Variants in CEP170 observed in about 807,000 individuals in gnomAD.
CEP170 encodes centrosomal protein of 170 kDa.
CEP170 carries 21 observed loss-of-function variants against 151.9 expected under a neutral mutation model. The ratio of observed to expected loss-of-function variants is 0.14; its 90% confidence interval spans 0.10 to 0.20. CEP170 has a LOEUF of 0.20. Ranked by LOEUF, CEP170 falls within the 10% of genes least tolerant of loss-of-function variation. The pLI is 1.00. For synonymous variants in CEP170, 356 were observed against 648.8 expected (o/e 0.55, Z 6.86); for missense variants, 964 against 1,892.9 (o/e 0.51, Z 9.11).
intron 14 of CEP170, among the ~76,000 whole-genome samples, chr1:243,154,327 TAAATA>T (rs2057371384): frequency 1.3e-5 from 2 of 152,280 alleles, no homozygotes; most frequent in Admixed American, 1.3e-4. Flanking sequence ...GTAGTTCATT[TAAATA>T]AATAAAATTA....
At chr1:243,132,267 A>G (rs1176311546) in intron 17 of CEP170, among the ~76,000 whole-genome samples, 1 of 152,196 alleles carries the variant, frequency 6.6e-6, no homozygotes, top group Non-Finnish European at 1.5e-5. Context: ...CACAACTCAG[A>G]CCTACCTTTG....
intron 14 of CEP170, among the ~76,000 whole-genome samples, chr1:243,143,374 G>C (rs1280801052): frequency 2.0e-5 from 3 of 151,982 alleles, no homozygotes; most frequent in Admixed American, 2.0e-4. Flanking sequence ...TGTAGCTAAG[G>C]CAGGACTGGA....
At chr1:243,211,857 A>T (rs748360317) in intron 4 of CEP170, 29 bp downstream of exon 4, 1 of 1,593,202 alleles carries the variant, frequency 6.3e-7, no homozygotes, top group South Asian at 1.1e-5. Flanking sequence ...GAATAAATTT[A>T]ATAAGTACAT....
intron 1 of CEP170, among the ~76,000 whole-genome samples, chr1:243,227,368 T>C (rs1036942765): frequency 3.3e-5 from 5 of 152,250 alleles, no homozygotes; most frequent in Admixed American, 3.3e-4. Flanking sequence ...CTCAGTCATT[T>C]GTTTAAAGTA....
intron 2 of CEP170, 37 bp downstream of exon 2, chr1:243,225,139 T>C (rs1218555160): frequency 7.7e-7 from 1 of 1,293,918 alleles, no homozygotes. Context: ...ATTTCAAGTT[T>C]TGAATAAACA....
intron 15 of CEP170, among the ~76,000 whole-genome samples, chr1:243,141,842 ATG>A (rs1396128614): frequency 3.3e-5 from 5 of 152,160 alleles, no homozygotes; most frequent in Non-Finnish European, 4.4e-5. Context: ...AAATATCTTT[ATG>A]TGTATGTGTT....
rs2061129091 is a variant in CEP170 at position 243,202,625 on chromosome 1, A to C, written c.275-1790T>G. On this transcript the variant is annotated intron_variant, in intron 4 of 19. Transcript: ENST00000366542. ...ACTGCAGATATTATTGAAGTTTTTC[A>C]TTCTTTTCTGAAAATTGCTTTCTAT... 1.3e-5 allele frequency among the ~76,000 whole-genome samples: 2 copies of C among 152,044 alleles called. 1 individual carries two copies. The highest frequency in any genetic ancestry group is 4.1e-4 in the South Asian group (2 of 4,830).
chr1:243,255,714 A>T (rs1285531304), upstream of CEP170, among the ~76,000 whole-genome samples: 1 of 152,224 alleles, frequency 6.6e-6, no homozygotes, highest in Non-Finnish European at 1.5e-5. Flanking sequence ...GCTGCATATT[A>T]GCAAATTTCG....
intron 17 of CEP170, among the ~76,000 whole-genome samples, chr1:243,135,167 A>C (rs2054900118): frequency 6.6e-6 from 1 of 152,160 alleles, no homozygotes; most frequent in South Asian, 2.1e-4. Context: ...TTAGGAGGCA[A>C]TAAAGTGAAG....
intron 4 of CEP170, chr1:243,211,639 A>G: frequency 2.4e-6 from 1 of 408,794 alleles, no homozygotes; most frequent in South Asian, 3.0e-5. Context: ...AGTGAGACTG[A>G]TGCTGAAACT....
rs758375040 is a variant in CEP170, at chr1:243,199,113, G to A, written c.578C>T (p.Ala193Val). 24 of 1,611,756 alleles carry A rather than the reference G, an allele frequency of 1.5e-5. No individual in the cohort carries two copies. Among genetic ancestry groups the A allele is most frequent in the South Asian group, 2.2e-5 (2 of 90,962 alleles). Residue 193 changes from alanine to valine, a missense_variant, in exon 7 of 20, where the codon GCT becomes GTT. Coordinates refer to ENST00000366542, the MANE Select transcript of CEP170 (RefSeq NM_014812.3). Reference sequence around the variant, plus strand: ...TTCAGGTTTGCCATTTGTCTTGAAAGCTCTTTTTTCATCCACCTCATCATC... The same window carrying A: ...TTCAGGTTTGCCATTTGTCTTGAAAACTCTTTTTTCATCCACCTCATCATC... The part of the protein sequence containing the change: ...WGDDEVDEKR[A>V]FKTNGKPEEK...
At chr1:243,147,240 C>T (rs2056611011) in intron 14 of CEP170, among the ~76,000 whole-genome samples, 1 of 152,132 alleles carries the variant, frequency 6.6e-6, no homozygotes, top group Admixed American at 6.5e-5. Flanking sequence ...TACATTTTCC[C>T]CTGAAGCCTT....
At chr1:243,234,750 A>G (rs1360576862) in intron 1 of CEP170, among the ~76,000 whole-genome samples, 2 of 152,250 alleles carry the variant, frequency 1.3e-5, no homozygotes, top group Non-Finnish European at 2.9e-5. Flanking sequence ...ATGAAGAAAT[A>G]ATTAGGGGTG....
intron 1 of CEP170, among the ~76,000 whole-genome samples, chr1:243,243,497 G>GATTTATTTATTTATTT (rs35889417): frequency 6.2e-5 from 9 of 145,962 alleles, no homozygotes; most frequent in African/African-American, 1.8e-4. Context: ...TTACCATTCT[G>GATTTATTTATTTATTT]ATTTATTTAT....
chr1:243,169,820 A>G, intron 11 of CEP170, 66 bp from the exon 12 acceptor site: 1 of 1,564,098 alleles, frequency 6.4e-7, no homozygotes, highest in Non-Finnish European at 8.6e-7. Flanking sequence ...ATGAAAGACA[A>G]TTTCATTTAG....
At chr1:243,227,909 C>A (rs918413083) in intron 1 of CEP170, among the ~76,000 whole-genome samples, 1 of 152,176 alleles carries the variant, frequency 6.6e-6, no homozygotes. Context: ...GTCATATAGA[C>A]AGATGTGAGT....
rs1431411451 is a variant in CEP170 at position 243,151,437 on chromosome 1, TAAG to T, written c.3911+4781_3911+4783del. Among the ~76,000 whole-genome samples the T allele has an allele frequency of 5.3e-5, 8 of 151,488 alleles. No individual in the cohort carries two copies. In the East Asian group the frequency reaches 1.5e-3, roughly 29 times the overall value. On this transcript the variant is annotated intron_variant, in intron 14 of 19. Coordinates refer to ENST00000366542, the MANE Select transcript of CEP170 (RefSeq NM_014812.3). ...GCTACTCTAGTGAACACAGGAATGA[TAAG>T]AAAGCAAAACAGCCTAATGCTGATA...
chr1:243,191,887 C>T (rs3112070), intron 7 of CEP170, among the ~76,000 whole-genome samples: 29 of 152,270 alleles, frequency 1.9e-4, no homozygotes, highest in African/African-American at 5.8e-4. Context: ...AAACCATGAA[C>T]TCCCTTCTCA....
intron 17 of CEP170, among the ~76,000 whole-genome samples, chr1:243,129,786 G>A (rs2054168524): frequency 1.3e-5 from 2 of 151,606 alleles, no homozygotes; most frequent in South Asian, 4.2e-4. Flanking sequence ...CTTATCCACA[G>A]TTTCTCTTTC....
Sources: gnomAD v4.1 joint callset for allele counts (sites outside exome capture counted in the v4.1 genomes callset) on GRCh38, gnomAD v4.1.1 for gene constraint, MANE v1.5 for transcripts, NCBI Gene and HGNC (gene_info 2026-07-23, HGNC 2026-07-21) for gene names.